XPO6: variants seen among roughly 807,000 people sequenced by gnomAD.
The protein encoded by XPO6 is exportin 6, also known as exportin-6.
Under a neutral mutation model 130.0 loss-of-function variants are expected in XPO6, and 3 were observed. That is an observed-to-expected ratio of 0.02 (90% CI 0.01 to 0.06). The LOEUF is 0.06. Among genes scored for constraint, XPO6 ranks in the 10% least tolerant of loss-of-function variants. The probability of loss-of-function intolerance (pLI) is 1.00; values close to 1 mark genes in which losing one functional copy is unlikely to be tolerated. For missense variants in XPO6, 970 were observed against 1,393.0 expected (o/e 0.70, Z 4.83); for synonymous variants, 524 against 548.9 (o/e 0.95, Z 0.63).
chr16:28,149,723 A>G (rs2043052532), intron 8 of XPO6, among the ~76,000 whole-genome samples: 1 of 152,218 alleles, frequency 6.6e-6, no homozygotes, highest in Non-Finnish European at 1.5e-5. Context: ...TGATGTACAC[A>G]CAACGATGAC....
intron 10 of XPO6, among the ~76,000 whole-genome samples, chr16:28,134,466 G>A (rs2042737800): frequency 6.6e-6 from 1 of 152,168 alleles, no homozygotes; most frequent in Admixed American, 6.5e-5. Flanking sequence ...CTCCCCTTTT[G>A]GGAGATGAGG....
At chr16:28,191,512 C>G (rs904394826) in intron 1 of XPO6, among the ~76,000 whole-genome samples, 2 of 152,156 alleles carry the variant, frequency 1.3e-5, no homozygotes. Context: ...TGCTAAAACA[C>G]GATCACAGAA....
intron 1 of XPO6, among the ~76,000 whole-genome samples, chr16:28,203,202 G>A (rs1391621953): frequency 2.0e-5 from 3 of 151,830 alleles, no homozygotes. Flanking sequence ...GTGAGCCCCA[G>A]GAGATAGAGG....
At position 28,101,839 on chromosome 16, in the gene XPO6, G is replaced by A; in HGVS notation, c.3045+8C>T. 6.2e-7 allele frequency: 1 copy of A among 1,613,070 alleles called. No homozygotes were observed. Among genetic ancestry groups the A allele is most frequent in the South Asian group, 1.1e-5 (1 of 91,022 alleles). ...TGGAAGAATATTTCCAAGAGCTGGG[G>A]CACTTACCTTGTGGTACAGCTTCTG... On this transcript the variant is annotated splice_region_variant and intron_variant, in intron 22 of 23. Coordinates refer to ENST00000304658, the MANE Select transcript of XPO6 (RefSeq NM_015171.4). This position sits in a 1 kb window ranked among gnomAD's most constrained non-coding sequence, Gnocchi z 5.4.
intron 1 of XPO6, among the ~76,000 whole-genome samples, chr16:28,184,452 T>C (rs1245582293): frequency 6.6e-6 from 1 of 151,960 alleles, no homozygotes; most frequent in Non-Finnish European, 1.5e-5. Flanking sequence ...CATAAACCAC[T>C]AACCATAAAG....
chr16:28,110,207 C>T (rs1039831510), intron 17 of XPO6, among the ~76,000 whole-genome samples: 1 of 152,220 alleles, frequency 6.6e-6, no homozygotes, highest in Non-Finnish European at 1.5e-5. Flanking sequence ...CCAGTGCCTG[C>T]ACACAGTCAG....
chr16:28,209,124 T>G (rs1241235389), intron 1 of XPO6: 1 of 152,130 alleles, frequency 6.6e-6, no homozygotes, highest in Admixed American at 6.6e-5. Flanking sequence ...ATGAGCTACC[T>G]AAAGTAGTCA....
rs1596874137 is a variant in XPO6 at position 28,146,313 on chromosome 16, G to C, written c.1225-110C>G. 1.1e-5 allele frequency: 10 copies of C among 895,482 alleles called. No individual in the cohort carries two copies. In the South Asian group the frequency reaches 1.5e-4, roughly 14 times the overall value. The allele number at this position is 895,482 out of a possible 1,614,324, so 55.5% of individuals were successfully genotyped here. ...GCAGAATGATGAAATCATAAGCCTA[G>C]ATTCCCCAGTTTCCTGGTAACCAAA... On this transcript the variant is annotated intron_variant, in intron 8 of 23. Coordinates refer to ENST00000304658, the MANE Select transcript of XPO6 (RefSeq NM_015171.4).
chr16:28,166,420 A>G (rs1242454208), intron 6 of XPO6, 88 bp downstream of exon 6: 2 of 1,414,654 alleles, frequency 1.4e-6, no homozygotes, highest in East Asian at 2.5e-5. Flanking sequence ...CAGCCTCCTC[A>G]GTACTGAGGA....
chr16:28,167,139 C>G, intron 5 of XPO6: 1 of 985,338 alleles, frequency 1.0e-6, no homozygotes, highest in African/African-American at 1.7e-5. Context: ...TGAAGCCTCT[C>G]AAGTCTCCTG....
chr16:28,160,746 A>C (rs926518637), intron 6 of XPO6, among the ~76,000 whole-genome samples: 1 of 152,174 alleles, frequency 6.6e-6, no homozygotes, highest in African/African-American at 2.4e-5. Context: ...AAAAATTACT[A>C]AGCATCCCGA....
At chr16:28,149,051 A>AG (rs2043036019) in intron 8 of XPO6, among the ~76,000 whole-genome samples, 1 of 142,902 alleles carries the variant, frequency 7.0e-6, no homozygotes, top group African/African-American at 2.7e-5. Context: ...TCCAAAAAAA[A>AG]AGAAAATAAA....
chr16:28,172,561 T>C (rs2043467092), intron 4 of XPO6, among the ~76,000 whole-genome samples: 1 of 151,908 alleles, frequency 6.6e-6, no homozygotes, highest in South Asian at 2.1e-4. Context: ...TGCAGGCAGG[T>C]GGGAAGGAAA....
chr16:28,172,194 A>T (rs28434441), intron 4 of XPO6, among the ~76,000 whole-genome samples: 1 of 152,220 alleles, frequency 6.6e-6, no homozygotes, highest in Non-Finnish European at 1.5e-5. Flanking sequence ...GATAAAATGT[A>T]TAATTTTTCC....
At chr16:28,139,177 G>A (rs2042838173) in intron 9 of XPO6, among the ~76,000 whole-genome samples, 1 of 152,134 alleles carries the variant, frequency 6.6e-6, no homozygotes, top group African/African-American at 2.4e-5. Context: ...TAGGACTGTT[G>A]CCCTTATGAG....
intron 1 of XPO6, among the ~76,000 whole-genome samples, chr16:28,210,329 T>C (rs780667024): frequency 6.6e-6 from 1 of 152,146 alleles, no homozygotes; most frequent in Non-Finnish European, 1.5e-5. Flanking sequence ...TATGTCCCTT[T>C]CTCTATTATA....
chr16:28,110,006 G>A (rs1292239530), intron 17 of XPO6, among the ~76,000 whole-genome samples: 1 of 151,934 alleles, frequency 6.6e-6, no homozygotes, highest in African/African-American at 2.4e-5. Flanking sequence ...AGATGCAGTT[G>A]TTCATTTTCT....
intron 14 of XPO6, among the ~76,000 whole-genome samples, chr16:28,121,180 C>T (rs916109602): frequency 3.9e-5 from 6 of 152,224 alleles, no homozygotes; most frequent in African/African-American, 7.2e-5. Flanking sequence ...TTGTTTAATA[C>T]GCAAATACCC....
At chr16:28,178,340 AGGAG>A (rs2043563829) in intron 2 of XPO6, among the ~76,000 whole-genome samples, 2 of 152,134 alleles carry the variant, frequency 1.3e-5, no homozygotes, top group African/African-American at 4.8e-5. Flanking sequence ...AAGCTGAGGC[AGGAG>A]GACTGCTTGA....
Sources: gnomAD v4.1 joint callset for allele counts (sites outside exome capture counted in the v4.1 genomes callset) on GRCh38, gnomAD v4.1.1 for gene constraint, Gnocchi (gnomAD v3.1) non-coding constraint, MANE v1.5 for transcripts, NCBI Gene and HGNC (gene_info 2026-07-23, HGNC 2026-07-21) for gene names.